Variants in C17orf114 observed in about 807,000 individuals in gnomAD.
C17orf114 encodes uncharacterized protein C17orf114.
chr17:4,806,665 T>TA (rs1427508364), upstream of C17orf114: 1 of 152,204 alleles, frequency 6.6e-6, no homozygotes, highest in Non-Finnish European at 1.5e-5. Context: ...TCAGGCCTTT[T>TA]ACGCCCTCAT....
chr17:4,805,989 A>C (rs1244636601), upstream of C17orf114, among the ~76,000 whole-genome samples: 1 of 152,092 alleles, frequency 6.6e-6, no homozygotes, highest in African/African-American at 2.4e-5. Context: ...TCCGTCTCAT[A>C]AAAATAAAAA....
At chr17:4,801,752 A>T (rs561191603) in intron 1 of C17orf114, among the ~76,000 whole-genome samples, 2 of 146,652 alleles carry the variant, frequency 1.4e-5, no homozygotes, top group East Asian at 4.0e-4. Context: ...TTTTTTTTTG[A>T]GACAGTCTCA....
chr17:4,801,601 G>A (rs893000255), intron 1 of C17orf114, 146 bp from the exon 2 acceptor site: 1 of 397,710 alleles, frequency 2.5e-6, no homozygotes, highest in Non-Finnish European at 4.4e-6. Context: ...AGCAGGGGGA[G>A]GGAGAGGGGC....
intron 1 of C17orf114, among the ~76,000 whole-genome samples, chr17:4,802,008 C>T (rs893022279): frequency 1.3e-5 from 2 of 152,118 alleles, no homozygotes; most frequent in Admixed American, 1.3e-4. Flanking sequence ...GGATTACAGG[C>T]ATGAGCCACC....
chr17:4,802,119 G>A lies in C17orf114; in HGVS notation c.73+128C>T, dbSNP rs1022497034. 11 of 396,186 alleles carry A rather than the reference G, an allele frequency of 2.8e-5. No individual in the cohort carries two copies. In the South Asian group the frequency reaches 1.4e-3, roughly 51 times the overall value. The allele number at this position is 396,186 out of a possible 1,614,324, so 24.5% of individuals were successfully genotyped here. ...TAGCCTGTCCTGTGAGGACTTCGGT[G>A]ATCCATCTCCCACCCAGGGAGACAG... On this transcript the variant is annotated intron_variant, in intron 1 of 1. Coordinates refer to ENST00000635921, the Ensembl canonical transcript of C17orf114.
upstream of C17orf114, among the ~76,000 whole-genome samples, chr17:4,802,956 C>T (rs1287567814): frequency 6.6e-6 from 1 of 152,064 alleles, no homozygotes; most frequent in Non-Finnish European, 1.5e-5. Flanking sequence ...CTCACTCTCT[C>T]GCCCAGGGTG....
chr17:4,801,712 C>G (rs950728204), intron 1 of C17orf114, among the ~76,000 whole-genome samples: 3 of 151,918 alleles, frequency 2.0e-5, no homozygotes, highest in Non-Finnish European at 2.9e-5. Context: ...TAGGTCTCTG[C>G]TGTCACCATC....
chr17:4,804,100 G>T (rs1905581414), upstream of C17orf114, among the ~76,000 whole-genome samples: 1 of 152,196 alleles, frequency 6.6e-6, no homozygotes, highest in Admixed American at 6.5e-5. Flanking sequence ...CAGACAGTTT[G>T]GGGTGGCCAG....
At chr17:4,805,349 G>A (rs1006927715), upstream of C17orf114, among the ~76,000 whole-genome samples, 3 of 151,738 alleles carry the variant, frequency 2.0e-5, no homozygotes, top group Admixed American at 2.0e-4. Context: ...GAGAACCCGG[G>A]AGGCGGAGGT....
chr17:4,806,095 T>C (rs954969403), upstream of C17orf114, among the ~76,000 whole-genome samples: 1 of 152,238 alleles, frequency 6.6e-6, no homozygotes, highest in African/African-American at 2.4e-5. Context: ...GTCAATATCA[T>C]TGATCTCCAG....
intron 1 of C17orf114, among the ~76,000 whole-genome samples, chr17:4,801,710 T>C (rs1905511394): frequency 6.6e-6 from 1 of 151,758 alleles, no homozygotes; most frequent in African/African-American, 2.4e-5. Context: ...CATAGGTCTC[T>C]GCTGTCACCA....
At chr17:4,806,477 A>G (rs1404030130), upstream of C17orf114, among the ~76,000 whole-genome samples, 1 of 152,224 alleles carries the variant, frequency 6.6e-6, no homozygotes, top group Non-Finnish European at 1.5e-5. Flanking sequence ...GTATTTTAAT[A>G]CCCGAAAAAA....
upstream of C17orf114, chr17:4,806,807 A>G (rs910465069): frequency 1.3e-5 from 2 of 150,424 alleles, no homozygotes; most frequent in African/African-American, 4.9e-5. Context: ...CCGCGGCTGG[A>G]GGGGCCCGGG....
upstream of C17orf114, among the ~76,000 whole-genome samples, chr17:4,802,521 T>C (rs1303124253): frequency 6.6e-6 from 1 of 152,184 alleles, no homozygotes; most frequent in African/African-American, 2.4e-5. Flanking sequence ...CCTATTTTTA[T>C]GCCCCATTAA....
At chr17:4,804,208 C>CTT (rs35137655), upstream of C17orf114, among the ~76,000 whole-genome samples, 3 of 141,494 alleles carry the variant, frequency 2.1e-5, no homozygotes, top group Admixed American at 7.1e-5. Context: ...TTTCTTTTTT[C>CTT]TTTTTTTTTT....
chr17:4,806,418 A>G (rs766620106), upstream of C17orf114, among the ~76,000 whole-genome samples: 8 of 152,238 alleles, frequency 5.3e-5, no homozygotes, highest in Non-Finnish European at 1.2e-4. Flanking sequence ...CCACATGTAT[A>G]TCAAAAGAGA....
chr17:4,802,451 G>A, upstream of C17orf114: 1 of 395,930 alleles, frequency 2.5e-6, no homozygotes, highest in Admixed American at 4.4e-5. Flanking sequence ...ACAGGCGCCA[G>A]GGATGGAAAG....
chr17:4,806,992 G>A (rs920642229), upstream of C17orf114: 14 of 150,738 alleles, frequency 9.3e-5, 1 homozygote, highest in Admixed American at 5.9e-4. Flanking sequence ...CCCTGCCCGG[G>A]GCTCTCGGTG....
At chr17:4,804,603 C>CTT (rs35194566), upstream of C17orf114, among the ~76,000 whole-genome samples, 11 of 134,564 alleles carry the variant, frequency 8.2e-5, no homozygotes, top group African/African-American at 1.9e-4. Context: ...ATGTTTCTTT[C>CTT]TTTTTTTTTT....
Sources: gnomAD v4.1 joint callset for allele counts (sites outside exome capture counted in the v4.1 genomes callset) on GRCh38, gnomAD v4.1.1 for gene constraint, MANE v1.5 for transcripts, NCBI Gene and HGNC (gene_info 2026-07-23, HGNC 2026-07-21) for gene names.